PTPN13: variants seen among roughly 807,000 people sequenced by gnomAD.
PTPN13 encodes the protein protein tyrosine phosphatase non-receptor type 13.
PTPN13 carries 191 observed loss-of-function variants against 284.0 expected under a neutral mutation model. That is an observed-to-expected ratio of 0.67 (90% confidence interval 0.60 to 0.76). The LOEUF is 0.76. Among genes scored for constraint, PTPN13 ranks in the 30% least tolerant of loss-of-function variants. The probability of loss-of-function intolerance (pLI) is 0.00; values close to 1 mark genes in which losing one functional copy is unlikely to be tolerated. For missense variants in PTPN13, 2,797 were observed against 2,939.9 expected, an observed-to-expected ratio of 0.95 and a Z score of 1.12; for synonymous variants, 986 against 1,022.3, an observed-to-expected ratio of 0.96 and a Z score of 0.68.
At position 86,758,285 on chromosome 4, in the gene PTPN13, A is replaced by G; in HGVS notation, c.3249A>G (p.Ile1083Met). ...ENDVLHKRWS[I>M]VSSPEREITL... ...ATGTGCTACACAAAAGATGGAGCAT[A>G]GTATCTTCACCAGAAAGGGAGATCA... is the stretch of plus-strand genomic sequence containing the variant. Residue 1083 changes from isoleucine to methionine, a missense_variant, in exon 21 of 48, where the codon ATA becomes ATG. Physicochemically the swap from Ile to Met is conservative, Grantham distance 10. Transcript: ENST00000411767. The G allele has an allele frequency of 2.5e-6, 4 of 1,611,090 alleles. No homozygotes were observed. The highest frequency in any genetic ancestry group is 3.4e-6 in the Non-Finnish European group (4 of 1,178,094).
At position 86,629,735 on chromosome 4, in the gene PTPN13, T is replaced by TGTAA. The variant is rs1384389981; in HGVS notation, c.-5-5517_-5-5516insGTAA. Among the ~76,000 whole-genome samples the TGTAA allele has an allele frequency of 2.0e-5, 3 of 152,268 alleles. No individual in the cohort carries two copies. In the East Asian group the frequency reaches 5.8e-4, roughly 29 times the overall value. ...GAAAATTATTTTTAAATGAACATTC[T>TGTAA]TATTACATTAAAAATTCTAAAACCT... is the stretch of plus-strand genomic sequence containing the variant. On this transcript the variant is annotated intron_variant, in intron 1 of 47. Transcript: ENST00000411767.
chr4:86,810,992 G>C, intron 46 of PTPN13, 54 bp from the exon 47 acceptor site: 1 of 1,536,764 alleles, frequency 6.5e-7, no homozygotes, highest in East Asian at 2.3e-5. Flanking sequence ...ATCCTTTTGA[G>C]ATTCAAATCC....
chr4:86,666,350 A>G (rs1727075410), intron 2 of PTPN13, among the ~76,000 whole-genome samples: 1 of 152,144 alleles, frequency 6.6e-6, no homozygotes, highest in South Asian at 2.1e-4. Flanking sequence ...GAGTTTAGGA[A>G]CAGAGGTTTT....
chr4:86,737,982 C>T (rs1735724668), intron 15 of PTPN13, among the ~76,000 whole-genome samples: 1 of 152,184 alleles, frequency 6.6e-6, no homozygotes. Context: ...CCCACCTTGG[C>T]CTCCCAAAGT....
chr4:86,646,609 G>A (rs1724459408), intron 2 of PTPN13, among the ~76,000 whole-genome samples: 1 of 152,208 alleles, frequency 6.6e-6, no homozygotes, highest in African/African-American at 2.4e-5. Context: ...GCAACTGGAA[G>A]TTTCATAGAC....
chr4:86,693,472 A>G (rs1716554987), intron 5 of PTPN13, 115 bp from the exon 6 acceptor site: 1 of 563,046 alleles, frequency 1.8e-6, no homozygotes. Flanking sequence ...GAGTCTCATT[A>G]TTTAATGTTA....
rs1270965832 is a variant in PTPN13 at position 86,727,528 on chromosome 4, T to G, written c.1609-4872T>G. Among the ~76,000 whole-genome samples, 4 of 149,518 alleles carry G rather than the reference T, an allele frequency of 2.7e-5. 1 individual carries two copies. ...TCTAATCAGAGATTTGACTTCTTCATGGTTTAGTCTTGGGAGGGTGTATGT... is the reference window on the plus strand; with the variant it reads ...TCTAATCAGAGATTTGACTTCTTCAGGGTTTAGTCTTGGGAGGGTGTATGT... On this transcript the variant is annotated intron_variant, in intron 10 of 47. Coordinates refer to ENST00000411767, the MANE Select transcript of PTPN13 (RefSeq NM_080683.3).
intron 28 of PTPN13, among the ~76,000 whole-genome samples, chr4:86,768,975 G>C (rs1355952121): frequency 1.3e-5 from 2 of 151,836 alleles, no homozygotes; most frequent in Non-Finnish European, 2.9e-5. Flanking sequence ...CTCCCAAAAT[G>C]CTGGGATTAC....
At chr4:86,623,733 G>A (rs1164732439) in intron 1 of PTPN13, among the ~76,000 whole-genome samples, 1 of 152,116 alleles carries the variant, frequency 6.6e-6, no homozygotes, top group Non-Finnish European at 1.5e-5. Flanking sequence ...TCTTTCCTAT[G>A]TATATGCACA....
At chr4:86,785,430 T>A in intron 39 of PTPN13, 62 bp downstream of exon 39, 1 of 1,421,818 alleles carries the variant, frequency 7.0e-7, no homozygotes, top group Non-Finnish European at 9.5e-7. Flanking sequence ...CTAGGGAGCA[T>A]TTTTTGAGTA....
rs1471524065 is a variant in PTPN13 at position 86,762,913 on chromosome 4, A to G, written c.3740A>G (p.Gln1247Arg). 5 of 1,613,872 alleles carry G rather than the reference A, an allele frequency of 3.1e-6. No homozygotes were observed. Among genetic ancestry groups the G allele is most frequent in the South Asian group, 1.1e-5 (1 of 91,084 alleles). The change falls in exon 24 of 48, where the codon CAA (glutamine) becomes CGA (arginine). Residue 1247 changes from glutamine (Q) to arginine (R), a missense_variant. Coordinates refer to ENST00000411767, the MANE Select transcript of PTPN13 (RefSeq NM_080683.3). ...GGLREGSLSS[Q>R]DSRTESASLS... ...CTGCGGGAAGGAAGCCTGAGTTCTC[A>G]AGATTCCAGGACTGAGAGTGCCAGC...
chr4:86,713,410 A>G (rs1016060777), intron 7 of PTPN13, among the ~76,000 whole-genome samples: 3 of 152,288 alleles, frequency 2.0e-5, no homozygotes, highest in East Asian at 1.9e-4. Context: ...TTAAATTAGT[A>G]TTAAATAAAA....
intron 7 of PTPN13, among the ~76,000 whole-genome samples, chr4:86,710,103 A>G (rs989464814): frequency 1.3e-4 from 20 of 152,218 alleles, no homozygotes; most frequent in African/African-American, 4.6e-4. Context: ...CCATAAAGGA[A>G]GCATAGAAAA....
At chr4:86,625,342 C>T (rs1296372334) in intron 1 of PTPN13, among the ~76,000 whole-genome samples, 1 of 151,988 alleles carries the variant, frequency 6.6e-6, no homozygotes, top group Non-Finnish European at 1.5e-5. Flanking sequence ...TTAACTATAA[C>T]CCCCTTATAT....
intron 9 of PTPN13, among the ~76,000 whole-genome samples, chr4:86,719,885 A>G (rs1398299281): frequency 6.6e-6 from 1 of 152,196 alleles, no homozygotes; most frequent in Non-Finnish European, 1.5e-5. Flanking sequence ...TCAGATGCAT[A>G]GTTTGCAAAT....
intron 15 of PTPN13, 126 bp downstream of exon 15, chr4:86,735,872 C>A: frequency 1.2e-6 from 1 of 806,942 alleles, no homozygotes; most frequent in Non-Finnish European, 1.8e-6. Flanking sequence ...CATCTCATTG[C>A]TGGCTAAAAT....
chr4:86,713,276 C>G (rs769687520), intron 7 of PTPN13, among the ~76,000 whole-genome samples: 2 of 151,938 alleles, frequency 1.3e-5, no homozygotes, highest in Non-Finnish European at 2.9e-5. Context: ...TTGGAAAAGT[C>G]CCTTAAAAAT....
chr4:86,622,541 C>T (rs987216553), intron 1 of PTPN13, among the ~76,000 whole-genome samples: 5 of 152,004 alleles, frequency 3.3e-5, no homozygotes, highest in African/African-American at 9.7e-5. Flanking sequence ...TAACCAATAA[C>T]GAAGGGATTA....
chr4:86,773,684 T>A (rs969226317), intron 32 of PTPN13, among the ~76,000 whole-genome samples: 1 of 150,800 alleles, frequency 6.6e-6, no homozygotes, highest in Non-Finnish European at 1.5e-5. Context: ...GAGCTAAATT[T>A]CCAGTTACCC....
Sources: gnomAD v4.1 joint callset for allele counts (sites outside exome capture counted in the v4.1 genomes callset) on GRCh38, gnomAD v4.1.1 for gene constraint, MANE v1.5 for transcripts, NCBI Gene and HGNC (gene_info 2026-07-23, HGNC 2026-07-21) for gene names.